ERC2: variants seen among roughly 807,000 people sequenced by gnomAD.
ERC2 encodes the protein ELKS/RAB6-interacting/CAST family member 2, also known as ERC protein 2.
Under a neutral mutation model 114.8 loss-of-function variants are expected in ERC2, and 42 were observed. The observed-to-expected ratio is 0.37, with a 90% CI of 0.29 to 0.47. ERC2 has a LOEUF of 0.47. Ranked by LOEUF, ERC2 falls within the 20% of genes least tolerant of loss-of-function variation. The probability of loss-of-function intolerance (pLI) is 0.99; values close to 1 mark genes in which losing one functional copy is unlikely to be tolerated. For synonymous variants in ERC2, 454 were observed against 425.5 expected (o/e 1.07, Z -0.82); for missense variants, 939 against 1,150.7 (o/e 0.82, Z 2.66).
chr3:55,553,390 A>G (rs1193588134), intron 17 of ERC2, among the ~76,000 whole-genome samples: 1 of 151,952 alleles, frequency 6.6e-6, no homozygotes, highest in African/African-American at 2.4e-5. Flanking sequence ...TATGCTGAAC[A>G]CCCCACATTA....
chr3:55,579,260 G>A (rs60960215), intron 17 of ERC2, among the ~76,000 whole-genome samples: 54,097 of 151,828 alleles, frequency 0.36, 10,279 homozygotes, highest in African/African-American at 0.49. Context: ...TGCATCATAC[G>A]CATTTTACCC....
At chr3:56,108,688 C>A (rs1221620143) in intron 6 of ERC2, among the ~76,000 whole-genome samples, 1 of 152,024 alleles carries the variant, frequency 6.6e-6, no homozygotes, top group Non-Finnish European at 1.5e-5. Flanking sequence ...ATAGATGATT[C>A]TTTTTAAAAA....
chr3:56,075,077 A>G (rs888715820), intron 7 of ERC2, among the ~76,000 whole-genome samples: 1 of 152,144 alleles, frequency 6.6e-6, no homozygotes, highest in Non-Finnish European at 1.5e-5. Flanking sequence ...TCCAAACTGA[A>G]CCAAGAAATA....
intron 6 of ERC2, among the ~76,000 whole-genome samples, chr3:56,112,869 A>C (rs17056447): frequency 0.014 from 2,109 of 152,290 alleles, 38 homozygotes; most frequent in African/African-American, 0.032. Context: ...TATGACTTAC[A>C]TAAGTTCAAG....
At chr3:55,659,346 T>C (rs1458400785) in intron 17 of ERC2, 1 of 152,264 alleles carries the variant, frequency 6.6e-6, no homozygotes, top group Non-Finnish European at 1.5e-5. Flanking sequence ...ATTTGCATGA[T>C]GATTTGGCCA....
chr3:55,936,298 A>G (rs974401945), intron 13 of ERC2, among the ~76,000 whole-genome samples: 15 of 152,156 alleles, frequency 9.9e-5, no homozygotes, highest in South Asian at 6.2e-4. Context: ...TAACTCATGT[A>G]TTCAGTTAGT....
At chr3:56,369,262 T>C (rs2059270504) in intron 2 of ERC2, among the ~76,000 whole-genome samples, 2 of 152,200 alleles carry the variant, frequency 1.3e-5, no homozygotes, top group Non-Finnish European at 2.9e-5. Flanking sequence ...TCCCAAACAG[T>C]ACCCACTCCT....
At chr3:55,867,840 C>G (rs2062396238) in intron 14 of ERC2, among the ~76,000 whole-genome samples, 1 of 151,980 alleles carries the variant, frequency 6.6e-6, no homozygotes, top group East Asian at 1.9e-4. Context: ...AGAGAAAGCA[C>G]TTTTATAGCT....
rs1560383822 is a variant in ERC2, at chr3:56,211,918, G to T, written c.1075-38398C>A. ...AGTCACATGTAGAAGAATGAAACTG[G>T]ATCCTCATCTCTCACCTTATACAAA... On this transcript the variant is annotated intron_variant, in intron 3 of 17. Transcript: ENST00000288221. Among the ~76,000 whole-genome samples, 4 of 152,038 alleles carry T rather than the reference G, an allele frequency of 2.6e-5. 1 individual carries two copies. The highest frequency in any genetic ancestry group is 2.6e-4 in the Admixed American group (4 of 15,268).
intron 14 of ERC2, 131 bp from the exon 15 acceptor site, chr3:55,735,049 A>T: frequency 1.0e-6 from 1 of 990,276 alleles, no homozygotes; most frequent in Non-Finnish European, 1.4e-6. Flanking sequence ...ACTTAAAACA[A>T]ACTAGCTCTT....
At chr3:55,757,155 G>C (rs555044172) in intron 14 of ERC2, among the ~76,000 whole-genome samples, 2 of 152,242 alleles carry the variant, frequency 1.3e-5, no homozygotes, top group Non-Finnish European at 2.9e-5. Flanking sequence ...TTAGTGTATA[G>C]GCATGGTAAA....
chr3:56,369,829 A>C (rs758146127), intron 2 of ERC2, among the ~76,000 whole-genome samples: 6 of 152,122 alleles, frequency 3.9e-5, no homozygotes, highest in Non-Finnish European at 8.8e-5. Context: ...GGTGCACGCC[A>C]TCACGCCCGG....
intron 14 of ERC2, among the ~76,000 whole-genome samples, chr3:55,857,427 C>T (rs939159938): frequency 6.6e-6 from 1 of 152,110 alleles, no homozygotes; most frequent in Non-Finnish European, 1.5e-5. Context: ...AGATGTAACA[C>T]AAAAGTTGTC....
At chr3:55,914,797 T>A (rs2065002725) in intron 13 of ERC2, among the ~76,000 whole-genome samples, 1 of 152,206 alleles carries the variant, frequency 6.6e-6, no homozygotes, top group Admixed American at 6.5e-5. Flanking sequence ...CCCATAAAAC[T>A]AGACACCCAC....
chr3:56,350,493 C>G (rs2058509951), intron 2 of ERC2, among the ~76,000 whole-genome samples: 1 of 152,108 alleles, frequency 6.6e-6, no homozygotes, highest in Non-Finnish European at 1.5e-5. Flanking sequence ...TTAAAGTTTA[C>G]AGCTCAAACT....
intron 14 of ERC2, among the ~76,000 whole-genome samples, chr3:55,792,553 A>T (rs572579937): frequency 6.6e-6 from 1 of 152,332 alleles, no homozygotes; most frequent in East Asian, 1.9e-4. Context: ...CATTTGTTTA[A>T]AGAACTTCCT....
At position 55,757,936 on chromosome 3, in the gene ERC2, T is replaced by C. The variant is rs537517441; in HGVS notation, c.2565-23018A>G. Reference sequence around the variant, plus strand: ...TTCTATCAAATCAAGATAAATATCATATATATATATACATTTATACCTCTG... The same window carrying C: ...TTCTATCAAATCAAGATAAATATCACATATATATATACATTTATACCTCTG... On this transcript the variant is annotated intron_variant, in intron 14 of 17. Coordinates refer to ENST00000288221, the MANE Select transcript of ERC2 (RefSeq NM_015576.3). 2.6e-5 allele frequency among the ~76,000 whole-genome samples: 4 copies of C among 151,870 alleles called. No homozygotes were observed. In the South Asian group the frequency reaches 8.3e-4, roughly 32 times the overall value.
At chr3:56,191,069 C>T (rs1002074769) in intron 3 of ERC2, among the ~76,000 whole-genome samples, 2 of 152,110 alleles carry the variant, frequency 1.3e-5, no homozygotes, top group Admixed American at 1.3e-4. Context: ...CAGGTGGTCT[C>T]TTTAGCAAAA....
intron 16 of ERC2, among the ~76,000 whole-genome samples, chr3:55,691,576 ATATATATATATAT>A (rs2062669073): frequency 1.9e-5 from 1 of 53,354 alleles, no homozygotes; most frequent in African/African-American, 8.5e-5. Flanking sequence ...AAAAAAAAAT[ATATATATATATAT>A]ATATATATAT....
Sources: allele counts gnomAD v4.1 joint callset (sites outside exome capture counted in the v4.1 genomes callset), GRCh38; gene constraint gnomAD v4.1.1; transcripts MANE v1.5; gene names NCBI Gene and HGNC (gene_info 2026-07-23, HGNC 2026-07-21).